KANSL2: variants seen among roughly 807,000 people sequenced by gnomAD.
KANSL2 encodes the protein KAT8 regulatory NSL complex subunit 2, also known as NSL complex protein NSL2.
A neutral mutation model predicts 55.6 loss-of-function variants in KANSL2; 34 were observed. That is an observed-to-expected ratio of 0.61 (90% CI 0.46 to 0.81). The LOEUF is 0.81. Among genes scored for constraint, KANSL2 ranks in the 40% least tolerant of loss-of-function variants. The pLI is 0.00. For synonymous variants in KANSL2, 209 were observed against 214.3 expected (o/e 0.98, Z 0.22); for missense variants, 502 against 609.9 (o/e 0.82, Z 1.86).
Position 48,653,908 on chromosome 12 carries a change from C to T in KANSL2, c.*136G>A, listed in dbSNP as rs1450335099. 8 of 928,666 alleles carry T rather than the reference C, an allele frequency of 8.6e-6. No homozygotes were observed. Among genetic ancestry groups the T allele is most frequent in the African/African-American group, 1.7e-5 (1 of 58,246 alleles). The allele number at this position is 928,666 out of a possible 1,614,324, so 57.5% of individuals were successfully genotyped here. The stretch of plus-strand genomic sequence containing the variant: ...TCCACGTCCTCAAAATTTGGCTTTA[C>T]GTTTGACTATAATACTCAATCCAGA... On this transcript the variant is annotated 3_prime_UTR_variant, in exon 10 of 10. Coordinates refer to ENST00000420613, the MANE Select transcript of KANSL2 (RefSeq NM_017822.4).
intron 7 of KANSL2, 104 bp from the exon 8 acceptor site, chr12:48,660,723 T>A: frequency 8.6e-7 from 1 of 1,158,368 alleles, no homozygotes; most frequent in Non-Finnish European, 1.2e-6. Flanking sequence ...CTATATAAGA[T>A]AAATTACAAC....
chr12:48,669,229 T>C lies in KANSL2; in HGVS notation c.753A>G (p.Glu251=), dbSNP rs1247915641. 4 of 1,573,262 alleles carry C rather than the reference T, an allele frequency of 2.5e-6. No homozygotes were observed. Among genetic ancestry groups the C allele is most frequent in the African/African-American group, 1.3e-5 (1 of 74,290 alleles). Residue 251 remains glutamate (E), a synonymous_variant, in exon 6 of 10, where the codon GAA becomes GAG. Transcript: ENST00000420613. ...ATTTTAATCGCTTTAAGTTCTCTCG[T>C]TCTTTGGCCAAAAGTCCCTCTGGGC... ...LTGPEGLLAK[E]RENLKRLKCL...
At chr12:48,677,209 G>A (rs1009652689) in intron 4 of KANSL2, among the ~76,000 whole-genome samples, 1 of 152,090 alleles carries the variant, frequency 6.6e-6, no homozygotes, top group African/African-American at 2.4e-5. Context: ...TTCTGAACAT[G>A]TTTCCTCTAG....
At position 48,653,233 on chromosome 12, in the gene KANSL2, A is replaced by G. The variant is rs1939317433; in HGVS notation, c.*811T>C. 6.6e-6 allele frequency among the ~76,000 whole-genome samples: 1 copy of G among 152,178 alleles called. No individual in the cohort carries two copies. Among genetic ancestry groups the G allele is most frequent in the African/African-American group, 2.4e-5 (1 of 41,448 alleles). On this transcript the variant is annotated 3_prime_UTR_variant, in exon 10 of 10. Coordinates refer to ENST00000420613, the MANE Select transcript of KANSL2 (RefSeq NM_017822.4). ...ATATTTGGAACTGATGGGCTTTAATAAGTCCTGCCCCTTTTCATTTACTTC... is the reference window on the plus strand; with the variant it reads ...ATATTTGGAACTGATGGGCTTTAATGAGTCCTGCCCCTTTTCATTTACTTC...
intron 3 of KANSL2, 199 bp from the exon 4 acceptor site, chr12:48,679,349 G>A (rs1336028489): frequency 9.2e-6 from 6 of 649,138 alleles, no homozygotes; most frequent in Middle Eastern, 6.4e-4. Flanking sequence ...CAACATAAAT[G>A]AGTAAACCAT....
At chr12:48,658,848 T>C (rs1478632806) in intron 8 of KANSL2, among the ~76,000 whole-genome samples, 6 of 152,242 alleles carry the variant, frequency 3.9e-5, no homozygotes, top group Admixed American at 3.9e-4. Flanking sequence ...AACTCAAAAG[T>C]AGTAAGATTA....
intron 7 of KANSL2, among the ~76,000 whole-genome samples, chr12:48,665,329 C>T (rs1349687860): frequency 1.3e-5 from 2 of 152,138 alleles, no homozygotes; most frequent in East Asian, 3.9e-4. Context: ...CTTTGGGAGG[C>T]CAAGGCAGGC....
At chr12:48,670,581 A>T (rs1275003025) in intron 5 of KANSL2, among the ~76,000 whole-genome samples, 2 of 152,176 alleles carry the variant, frequency 1.3e-5, no homozygotes, top group Non-Finnish European at 2.9e-5. Context: ...GCTTATAGGG[A>T]TATAAAAAAA....
intron 1 of KANSL2, 188 bp from the exon 2 acceptor site, chr12:48,681,829 T>A: frequency 1.4e-6 from 1 of 732,608 alleles, no homozygotes; most frequent in Non-Finnish European, 2.4e-6. Context: ...AGCGTGTCCC[T>A]CCATGCCCGG....
At chr12:48,660,166 A>T (rs1939461937) in intron 8 of KANSL2, among the ~76,000 whole-genome samples, 200 bp downstream of exon 8, 2 of 152,212 alleles carry the variant, frequency 1.3e-5, no homozygotes, top group Admixed American at 6.5e-5. Context: ...CTAAAAAGGT[A>T]TGGGAAGAGT....
At chr12:48,677,462 T>C (rs9332441) in intron 4 of KANSL2, among the ~76,000 whole-genome samples, 42,134 of 151,934 alleles carry the variant, frequency 0.28, 7,119 homozygotes, top group East Asian at 0.76. Context: ...AGCAGCAAGT[T>C]TGGCCATCTA....
intron 8 of KANSL2, among the ~76,000 whole-genome samples, chr12:48,657,898 T>G (rs1326791540): frequency 1.3e-5 from 2 of 151,954 alleles, no homozygotes; most frequent in African/African-American, 4.8e-5. Context: ...ATTACAAGCG[T>G]CAGCCACCGC....
intron 3 of KANSL2, 143 bp from the exon 4 acceptor site, chr12:48,679,293 C>A: frequency 1.4e-6 from 1 of 701,586 alleles, no homozygotes; most frequent in Non-Finnish European, 2.5e-6. Context: ...AAGGTACTGG[C>A]AAATAAAAAC....
chr12:48,660,507 C>A lies in KANSL2; in HGVS notation c.1086G>T (p.Leu362=), dbSNP rs748235747. The A allele has an allele frequency of 1.9e-6, 3 of 1,613,662 alleles. No individual in the cohort carries two copies. The highest frequency in any genetic ancestry group is 1.3e-5 in the African/African-American group (1 of 75,034). ...ACATCTGAGGAGGCAACTGGAAATG[C>A]AGTGGGCAGCAGGGATCCTCAGAGA... The part of the protein sequence containing the change: ...VSLSEDPCCP[L]HFQLPPQMYK... Residue 362 remains leucine (L), a synonymous_variant, in exon 8 of 10, where the codon CTG becomes CTT. Transcript: ENST00000420613.
At chr12:48,682,031 G>C (rs533669515) in intron 1 of KANSL2, 156 bp downstream of exon 1, 6 of 702,896 alleles carry the variant, frequency 8.5e-6, no homozygotes, top group Admixed American at 4.0e-5. Flanking sequence ...TTTGTCCTAC[G>C]GCTCCAGTCA....
At chr12:48,676,336 G>A (rs966132022) in intron 4 of KANSL2, among the ~76,000 whole-genome samples, 1 of 152,038 alleles carries the variant, frequency 6.6e-6, no homozygotes, top group African/African-American at 2.4e-5. Flanking sequence ...GAACTCCTGG[G>A]CTCAAGCAAT....
chr12:48,660,340 A>G, intron 8 of KANSL2, 26 bp downstream of exon 8: 2 of 1,612,442 alleles, frequency 1.2e-6, no homozygotes, highest in Non-Finnish European at 1.7e-6. Flanking sequence ...AAGGGCCTGA[A>G]CCAAAGCAGA....
Position 48,653,402 on chromosome 12 carries a change from G to T in KANSL2, c.*642C>A, listed in dbSNP as rs1045960949. The T allele has an allele frequency of 2.0e-5, 3 of 152,516 alleles. No individual in the cohort carries two copies. The highest frequency in any genetic ancestry group is 7.2e-5 in the African/African-American group (3 of 41,404). The allele number at this position is 152,516 out of a possible 1,614,324, so 9.4% of individuals were successfully genotyped here. Reference sequence around the variant, plus strand: ...GAAACTATATTCTCAAACAAAACATGCATTCAATTCAGGTGACTGTTTGAT... The same window carrying T: ...GAAACTATATTCTCAAACAAAACATTCATTCAATTCAGGTGACTGTTTGAT... On this transcript the variant is annotated 3_prime_UTR_variant, in exon 10 of 10. Coordinates refer to ENST00000420613, the MANE Select transcript of KANSL2 (RefSeq NM_017822.4).
In KANSL2 at chr12:48,676,408, C is replaced by G. The variant is rs1219740013; in HGVS notation, c.545+2628G>C. 3.3e-5 allele frequency among the ~76,000 whole-genome samples: 5 copies of G among 152,076 alleles called. No homozygotes were observed. The South Asian group carries it at 6.2e-4, about 19-fold the overall frequency. ...GGGCGCACTGGTTCGTCCCTGTAAT[C>G]CCAGCACTTTGGGAGGCTGACGGGC... is the stretch of plus-strand genomic sequence containing the variant. On this transcript the variant is annotated intron_variant, in intron 4 of 9. Coordinates refer to ENST00000420613, the MANE Select transcript of KANSL2 (RefSeq NM_017822.4).
Sources: allele counts gnomAD v4.1 joint callset (sites outside exome capture counted in the v4.1 genomes callset), GRCh38; gene constraint gnomAD v4.1.1; transcripts MANE v1.5; gene names NCBI Gene and HGNC (gene_info 2026-07-23, HGNC 2026-07-21).